LDB3: variants seen among roughly 807,000 people sequenced by gnomAD.
LDB3 encodes LIM domain binding 3.
LDB3 carries 49 observed loss-of-function variants against 69.0 expected under a neutral mutation model. That is an observed-to-expected ratio of 0.71 (90% CI 0.56 to 0.90). LDB3 has a LOEUF of 0.90. Among genes scored for constraint, LDB3 ranks in the 40% least tolerant of loss-of-function variants. LDB3 has a pLI of 0.00. For missense variants in LDB3, 928 were observed against 974.1 expected (o/e 0.95, Z 0.63); for synonymous variants, 387 against 396.2 (o/e 0.98, Z 0.28).
chr10:86,701,697 T>C (rs1846268666), intron 7 of LDB3, among the ~76,000 whole-genome samples: 1 of 152,160 alleles, frequency 6.6e-6, no homozygotes, highest in South Asian at 2.1e-4. Flanking sequence ...GGTCAGTGTA[T>C]TTTATCATCA....
rs1845811688 is a variant in LDB3, at chr10:86,692,442, C to A, written c.860-93C>A. 16 of 1,299,850 alleles carry A rather than the reference C, an allele frequency of 1.2e-5. No individual in the cohort carries two copies. In the South Asian group the frequency reaches 1.5e-4, roughly 12 times the overall value. The allele number at this position is 1,299,850 out of a possible 1,614,324, so 80.5% of individuals were successfully genotyped here. On this transcript the variant is annotated intron_variant, in intron 6 of 13. Coordinates refer to ENST00000361373, the MANE Select transcript of LDB3 (RefSeq NM_007078.3). ...GGGGCAGTCACCGTGTGGGGCCTGGCTGAATCCTGGGGACTCAGTGCCCAC... is the reference window on the plus strand; with the variant it reads ...GGGGCAGTCACCGTGTGGGGCCTGGATGAATCCTGGGGACTCAGTGCCCAC...
In LDB3 at chr10:86,680,955, G is replaced by T. The variant is rs79548244; in HGVS notation, c.322-481G>T. Among the ~76,000 whole-genome samples the T allele has an allele frequency of 9.2e-3, 1,401 of 152,340 alleles. 29 individuals carry two copies. Among genetic ancestry groups the T allele is most frequent in the African/African-American group, 0.032 (1,340 of 41,576 alleles). On this transcript the variant is annotated intron_variant, in intron 4 of 13. Transcript: ENST00000361373. ...TGGGAGATGCTTGCAGAGGTAGACT[G>T]AGGGGCCCAAATGTGAGCTACCCAA...
At chr10:86,683,913 C>T (rs1845300581) in intron 5 of LDB3, among the ~76,000 whole-genome samples, 1 of 152,224 alleles carries the variant, frequency 6.6e-6, no homozygotes, top group Non-Finnish European at 1.5e-5. Flanking sequence ...GCACTACCAT[C>T]TCAAGAATTA....
intron 7 of LDB3, among the ~76,000 whole-genome samples, chr10:86,692,995 TGG>T (rs1044188761): frequency 6.6e-6 from 1 of 152,224 alleles, no homozygotes; most frequent in African/African-American, 2.4e-5. Flanking sequence ...GGGGCTGTGC[TGG>T]ACGTGAACGC....
chr10:86,708,274 C>T, intron 8 of LDB3, among the ~76,000 whole-genome samples: 1 of 152,188 alleles, frequency 6.6e-6, no homozygotes. Flanking sequence ...GGGGCTGGAG[C>T]AGAAGGGGTC....
Position 86,668,800 on chromosome 10 carries a change from C to A in LDB3, c.93+16C>A. Reference sequence around the variant, plus strand: ...TATCTCCCGGGTGAGTGCACCCTGCCACAGCCTGGCACCCGATGGGGCAGG... The same window carrying A: ...TATCTCCCGGGTGAGTGCACCCTGCAACAGCCTGGCACCCGATGGGGCAGG... On this transcript the variant is annotated intron_variant, in intron 2 of 13. Coordinates refer to ENST00000361373, the MANE Select transcript of LDB3 (RefSeq NM_007078.3). 6.3e-7 allele frequency: 1 copy of A among 1,594,050 alleles called. No individual in the cohort carries two copies. Among genetic ancestry groups the A allele is most frequent in the Non-Finnish European group, 8.6e-7 (1 of 1,162,682 alleles).
At chr10:86,696,690 T>C (rs1333468241) in intron 7 of LDB3, among the ~76,000 whole-genome samples, 3 of 152,178 alleles carry the variant, frequency 2.0e-5, no homozygotes, top group African/African-American at 7.2e-5. Flanking sequence ...CCCTGTGTCC[T>C]CGGTAGTGTC....
At position 86,697,501 on chromosome 10, in the gene LDB3, G is replaced by A. The variant is rs377082124; in HGVS notation, c.896+4930G>A. Among the ~76,000 whole-genome samples the A allele has an allele frequency of 1.1e-4, 17 of 149,450 alleles. No homozygotes were observed. In the East Asian group the frequency reaches 2.4e-3, roughly 21 times the overall value. ...CTCCCAAAGTCCTGGGATTACAGGC[G>A]TGAGCCGCCGTGCCCGGCCAACTTC... On this transcript the variant is annotated intron_variant, in intron 7 of 13. Coordinates refer to ENST00000361373, the MANE Select transcript of LDB3 (RefSeq NM_007078.3).
rs539480961 is a variant in LDB3 at position 86,732,196 on chromosome 10, C to G, written c.2095-691C>G. Among the ~76,000 whole-genome samples, 3 of 151,584 alleles carry G rather than the reference C, an allele frequency of 2.0e-5. No individual in the cohort carries two copies. The South Asian group carries it at 6.3e-4, about 32-fold the overall frequency. On this transcript the variant is annotated intron_variant, in intron 13 of 13. Transcript: ENST00000361373. ...TTTAATTATTAGTGAGTACAATCTT[C>G]TCTGATGTGTTTGTTAGTTTACTAA...
chr10:86,707,192 A>AAGGCAGGTC (rs1327942398), intron 8 of LDB3, among the ~76,000 whole-genome samples: 1 of 152,032 alleles, frequency 6.6e-6, no homozygotes, highest in African/African-American at 2.4e-5. Flanking sequence ...CTGGGCAGGG[A>AAGGCAGGTC]AGGCAGGTCA....
chr10:86,699,520 T>C lies in LDB3; in HGVS notation c.896+6949T>C. ...CTCTGATGGCCAACCGCAGCATTTC[T>C]GTCCTCTGCCCACCCCAGAGCTGAT... On this transcript the variant is annotated intron_variant, in intron 7 of 13. Transcript: ENST00000361373. This position sits in a 1 kb window ranked among gnomAD's most constrained non-coding sequence, Gnocchi z 4.9. 1 of 1,511,470 alleles carries C rather than the reference T, an allele frequency of 6.6e-7. No homozygotes were observed. The highest frequency in any genetic ancestry group is 8.8e-7 in the Non-Finnish European group (1 of 1,132,526). The allele number at this position is 1,511,470 out of a possible 1,614,324, so 93.6% of individuals were successfully genotyped here.
chr10:86,687,316 C>A (rs373495160), intron 5 of LDB3: 25 of 1,582,098 alleles, frequency 1.6e-5, no homozygotes, highest in African/African-American at 4.0e-5. Flanking sequence ...CCTCCAGAGC[C>A]CGAGGGGTAT....
intron 13 of LDB3, among the ~76,000 whole-genome samples, chr10:86,731,386 G>A (rs746421388): frequency 1.3e-5 from 2 of 151,298 alleles, no homozygotes; most frequent in Non-Finnish European, 2.9e-5. Context: ...CACCACACCC[G>A]GCTAATTTTT....
chr10:86,731,070 G>T (rs1847437993), intron 13 of LDB3, among the ~76,000 whole-genome samples: 1 of 150,584 alleles, frequency 6.6e-6, no homozygotes, highest in Non-Finnish European at 1.5e-5. Context: ...CAGGAGAATT[G>T]CTTGAACCCG....
chr10:86,717,834 A>G, intron 10 of LDB3, 130 bp from the exon 11 acceptor site: 1 of 819,566 alleles, frequency 1.2e-6, no homozygotes, highest in African/African-American at 1.7e-5. Flanking sequence ...TGAATTTCAC[A>G]TTACTTCATC....
At chr10:86,692,177 T>C (rs931649362) in intron 6 of LDB3, 112 bp downstream of exon 6, 3 of 1,277,932 alleles carry the variant, frequency 2.3e-6, no homozygotes, top group Non-Finnish European at 3.3e-6. Flanking sequence ...CCCTTGAAGG[T>C]GGGCCAGGCT....
Position 86,718,018 on chromosome 10 carries a change from T to C in LDB3, c.1731T>C (p.Cys577=), listed in dbSNP as rs1280918797. ...CTTGGCACCCTGAAGAGTTCACCTG[T>C]GCCTACTGCAAGACTTCCCTGGCAG... is the stretch of plus-strand genomic sequence containing the variant. The part of the protein sequence containing the change: ...GRSWHPEEFT[C]AYCKTSLADV... Residue 577 remains cysteine (C), a synonymous_variant, in exon 11 of 14, where the codon TGT becomes TGC. Transcript: ENST00000361373. 1 of 1,614,238 alleles carries C rather than the reference T, an allele frequency of 6.2e-7. No individual in the cohort carries two copies. Among genetic ancestry groups the C allele is most frequent in the South Asian group, 1.1e-5 (1 of 91,086 alleles).
Position 86,706,673 on chromosome 10 carries a change from T to G in LDB3, c.1039T>G (p.Ser347Ala), listed in dbSNP as rs1846456411. ...ATAAAHTAIA[S>A]ASTTAPASSP... ...AGCTGCTGCCCACACTGCCATCGCC[T>G]CCGCCTCCACCACAGCCCCTGCTTC... The change falls in exon 8 of 14, where the codon TCC becomes GCC. Residue 347 changes from serine (S) to alanine (A), a missense_variant. Physicochemically the swap from Ser to Ala is moderately conservative, Grantham distance 99. Transcript: ENST00000361373. 4 of 1,612,876 alleles carry G rather than the reference T, an allele frequency of 2.5e-6. No individual in the cohort carries two copies. Among genetic ancestry groups the G allele is most frequent in the Non-Finnish European group, 3.4e-6 (4 of 1,179,788 alleles).
intron 9 of LDB3, 185 bp downstream of exon 9, chr10:86,710,235 G>C: frequency 1.0e-6 from 1 of 985,390 alleles, no homozygotes; most frequent in Non-Finnish European, 1.2e-6. Context: ...ATCTGGTCTG[G>C]GGGAGACAGG....
Sources: allele counts gnomAD v4.1 joint callset (sites outside exome capture counted in the v4.1 genomes callset), GRCh38; gene constraint gnomAD v4.1.1; non-coding constraint Gnocchi (gnomAD v3.1); transcripts MANE v1.5; gene names NCBI Gene and HGNC (gene_info 2026-07-23, HGNC 2026-07-21).